Variants in LMNB1 observed in about 807,000 individuals in gnomAD.
The protein encoded by LMNB1 is lamin B1.
A neutral mutation model predicts 67.1 loss-of-function variants in LMNB1; 23 were observed. The observed-to-expected ratio is 0.34, with a 90% CI of 0.25 to 0.49. LMNB1 has a LOEUF of 0.49. LMNB1 is among the 20% of genes least tolerant of loss of function. The probability of loss-of-function intolerance (pLI) is 0.99; values close to 1 mark genes in which losing one functional copy is unlikely to be tolerated. For synonymous variants in LMNB1, 281 were observed against 282.9 expected, an observed-to-expected ratio of 0.99 and a Z score of 0.07; for missense variants, 634 against 746.5, an observed-to-expected ratio of 0.85 and a Z score of 1.76.
chr5:126,833,416 C>T (rs1354015950), intron 10 of LMNB1, among the ~76,000 whole-genome samples: 1 of 152,076 alleles, frequency 6.6e-6, no homozygotes, highest in Non-Finnish European at 1.5e-5. Context: ...AAGTGTCTAC[C>T]CTTATCCTGA....
At chr5:126,808,190 A>T (rs545329491) in intron 3 of LMNB1, among the ~76,000 whole-genome samples, 84 of 138,428 alleles carry the variant, frequency 6.1e-4, no homozygotes, top group South Asian at 4.8e-3. Context: ...TTTAAAAAAA[A>T]TTTTTTTGTG....
At chr5:126,788,685 CA>C (rs1205967660) in intron 1 of LMNB1, among the ~76,000 whole-genome samples, 2 of 152,052 alleles carry the variant, frequency 1.3e-5, no homozygotes, top group African/African-American at 4.8e-5. Flanking sequence ...AGTCATGGAA[CA>C]AGGGTTTTTT....
chr5:126,807,840 A>C (rs1289277129), intron 3 of LMNB1, among the ~76,000 whole-genome samples: 1 of 119,344 alleles, frequency 8.4e-6, no homozygotes, highest in Non-Finnish European at 2.0e-5. Context: ...GGATGTTAAG[A>C]TAGTCCTCTT....
chr5:126,800,265 C>T (rs1214768261), intron 1 of LMNB1, among the ~76,000 whole-genome samples: 1 of 151,582 alleles, frequency 6.6e-6, no homozygotes, highest in East Asian at 1.9e-4. Flanking sequence ...ATGTATATAC[C>T]ATGCACCATA....
intron 3 of LMNB1, among the ~76,000 whole-genome samples, chr5:126,806,967 C>T (rs1009900955): frequency 4.6e-5 from 7 of 152,124 alleles, no homozygotes; most frequent in South Asian, 4.2e-4. Flanking sequence ...TTAATAGAGA[C>T]GAGGTTCCAC....
intron 9 of LMNB1, among the ~76,000 whole-genome samples, chr5:126,826,871 A>C (rs1239906006): frequency 1.3e-5 from 2 of 152,204 alleles, no homozygotes; most frequent in African/African-American, 4.8e-5. Flanking sequence ...TAAGCATGTT[A>C]ATGGAGCTTT....
intron 10 of LMNB1, among the ~76,000 whole-genome samples, chr5:126,834,400 T>C (rs1478038288): frequency 1.3e-5 from 2 of 152,128 alleles, no homozygotes; most frequent in Non-Finnish European, 2.9e-5. Flanking sequence ...GAGATGGAGT[T>C]TCACCATGTT....
At chr5:126,803,069 C>T (rs1751326706) in intron 1 of LMNB1, among the ~76,000 whole-genome samples, 1 of 149,516 alleles carries the variant, frequency 6.7e-6, no homozygotes, top group South Asian at 2.1e-4. Flanking sequence ...GCCTGTAATC[C>T]CAGCTACTTG....
At chr5:126,805,478 A>G in intron 2 of LMNB1, 93 bp from the exon 3 acceptor site, 1 of 835,258 alleles carries the variant, frequency 1.2e-6, no homozygotes, top group Non-Finnish European at 1.9e-6. Flanking sequence ...TAGGAATTTT[A>G]ACACTTGATT....
At chr5:126,804,967 A>T in intron 2 of LMNB1, 35 bp downstream of exon 2, 1 of 1,571,550 alleles carries the variant, frequency 6.4e-7, no homozygotes, top group Non-Finnish European at 8.7e-7. Flanking sequence ...CGTATGTGAC[A>T]GGTTAATTGC....
intron 8 of LMNB1, among the ~76,000 whole-genome samples, chr5:126,825,297 T>C (rs1010283013): frequency 6.6e-5 from 10 of 152,230 alleles, no homozygotes. Flanking sequence ...GGAAATATAA[T>C]TATTTCTTTG....
chr5:126,810,555 G>C (rs1010720975), intron 4 of LMNB1, among the ~76,000 whole-genome samples: 4 of 152,124 alleles, frequency 2.6e-5, no homozygotes, highest in Non-Finnish European at 4.4e-5. Context: ...AAGAATGTAG[G>C]GTTGTTGCAA....
chr5:126,796,786 C>CTTTTTTTTTTTTTTTTTT (rs34534973), intron 1 of LMNB1, among the ~76,000 whole-genome samples: 14 of 118,746 alleles, frequency 1.2e-4, no homozygotes, highest in East Asian at 2.5e-4. Context: ...TTTTTTCTTT[C>CTTTTTTTTTTTTTTTTTT]TTTTTTTTTT....
chr5:126,793,500 A>G (rs976348761), intron 1 of LMNB1, among the ~76,000 whole-genome samples: 1 of 152,212 alleles, frequency 6.6e-6, no homozygotes, highest in African/African-American at 2.4e-5. Flanking sequence ...ACCGGAAACT[A>G]TCCTTTGTAA....
At position 126,804,768 on chromosome 5, in the gene LMNB1, T is replaced by C. The variant is rs376081850; in HGVS notation, c.360-8T>C. ...TTTGATGTCTTATGCTTTTTAAATC[T>C]GTTCCAGCTATGCTAAGAAGGAATC... On this transcript the variant is annotated splice_region_variant and splice_polypyrimidine_tract_variant and intron_variant, in intron 1 of 10. Transcript: ENST00000261366. 2.0e-5 allele frequency: 33 copies of C among 1,612,788 alleles called. No individual in the cohort carries two copies. Among genetic ancestry groups the C allele is most frequent in the Non-Finnish European group, 2.5e-5 (30 of 1,179,384 alleles).
At chr5:126,817,720 T>C (rs1350684939) in intron 5 of LMNB1, among the ~76,000 whole-genome samples, 1 of 152,222 alleles carries the variant, frequency 6.6e-6, no homozygotes, top group African/African-American at 2.4e-5. Context: ...GAAAAGTAAA[T>C]TTACCAGCAA....
At chr5:126,813,299 A>G (rs1751623651) in intron 5 of LMNB1, among the ~76,000 whole-genome samples, 1 of 152,232 alleles carries the variant, frequency 6.6e-6, no homozygotes, top group Admixed American at 6.5e-5. Context: ...TTTTCATTTA[A>G]TAGCAGAGCT....
At chr5:126,790,762 A>G (rs1750932744) in intron 1 of LMNB1, among the ~76,000 whole-genome samples, 1 of 151,776 alleles carries the variant, frequency 6.6e-6, no homozygotes, top group Non-Finnish European at 1.5e-5. Flanking sequence ...TGTAAATGCT[A>G]TTTTCTTAGA....
chr5:126,829,615 A>T (rs527806034), intron 9 of LMNB1, among the ~76,000 whole-genome samples: 2 of 151,770 alleles, frequency 1.3e-5, no homozygotes, highest in East Asian at 3.9e-4. Context: ...AAAAGAATGG[A>T]CAATCCAGCC....
Sources: gnomAD v4.1 joint callset for allele counts (sites outside exome capture counted in the v4.1 genomes callset) on GRCh38, gnomAD v4.1.1 for gene constraint, MANE v1.5 for transcripts, NCBI Gene and HGNC (gene_info 2026-07-23, HGNC 2026-07-21) for gene names.